Variants in PDS5A observed in about 807,000 individuals in gnomAD.
The protein encoded by PDS5A is PDS5 cohesin associated factor A.
Under a neutral mutation model 167.1 loss-of-function variants are expected in PDS5A, and 42 were observed. The ratio of observed to expected loss-of-function variants is 0.25; its 90% CI spans 0.20 to 0.33. The LOEUF is 0.33. Ranked by LOEUF, PDS5A falls within the 10% of genes least tolerant of loss-of-function variation. The pLI is 1.00. For synonymous variants in PDS5A, 553 were observed against 554.6 expected, an observed-to-expected ratio of 1.00 and a Z score of 0.04; for missense variants, 1,033 against 1,605.9, an observed-to-expected ratio of 0.64 and a Z score of 6.10.
chr4:39,942,097 A>C (rs1338726912), intron 2 of PDS5A, among the ~76,000 whole-genome samples: 1 of 152,188 alleles, frequency 6.6e-6, no homozygotes, highest in African/African-American at 2.4e-5. Flanking sequence ...CCCAACTCAA[A>C]GAGTGATTTC....
In PDS5A at chr4:39,917,163, C is replaced by T; in HGVS notation, c.761G>A (p.Gly254Glu). The change falls in exon 8 of 33, where the codon GGA (glycine) becomes GAA (glutamate). Residue 254 changes from glycine (G) to glutamate (E), a missense_variant. Physicochemically the swap from Gly to Glu is moderately conservative, Grantham distance 98. Coordinates refer to ENST00000303538, the MANE Select transcript of PDS5A (RefSeq NM_001100399.2). Reference sequence around the variant, plus strand: ...TGACAAATCACTTACTGATGATCTTCCCAGCACCAGGACTTGATTGAAAAA... The same window carrying T: ...TGACAAATCACTTACTGATGATCTTTCCAGCACCAGGACTTGATTGAAAAA... ...ANFFNQVLVL[G>E]RSSVSDLSEH... The T allele has an allele frequency of 6.4e-7, 1 of 1,559,794 alleles. No individual in the cohort carries two copies. The highest frequency in any genetic ancestry group is 8.6e-7 in the Non-Finnish European group (1 of 1,159,936).
intron 26 of PDS5A, among the ~76,000 whole-genome samples, chr4:39,850,230 C>A (rs1015975885): frequency 6.6e-6 from 1 of 150,534 alleles, no homozygotes; most frequent in African/African-American, 2.4e-5. Context: ...TGAGACTGCA[C>A]CACTGCACTC....
At chr4:39,838,359 T>C (rs1189118429) in intron 31 of PDS5A, among the ~76,000 whole-genome samples, 151 bp from the exon 32 acceptor site, 1 of 152,212 alleles carries the variant, frequency 6.6e-6, no homozygotes, top group Non-Finnish European at 1.5e-5. Flanking sequence ...GTAAGCTCCT[T>C]GAGGAGAGTG....
At chr4:39,970,815 T>TTTA (rs1553911027) in intron 2 of PDS5A, among the ~76,000 whole-genome samples, 1 of 147,720 alleles carries the variant, frequency 6.8e-6, no homozygotes, top group African/African-American at 2.5e-5. Context: ...TTTTTTTTTT[T>TTTA]AAGACAAGGT....
intron 32 of PDS5A, among the ~76,000 whole-genome samples, chr4:39,828,201 A>G (rs928981231): frequency 6.6e-6 from 1 of 152,214 alleles, no homozygotes; most frequent in Non-Finnish European, 1.5e-5. Flanking sequence ...AGGAATACTT[A>G]CTGAAACCCA....
rs1244591748 is a variant in PDS5A, at chr4:39,825,479, G to A, written c.*6C>T. ...GCCTTCATTTTCTCCCTTTGCAAAT[G>A]CATTTTTACCTTAGGGTTAAGAATA... On this transcript the variant is annotated 3_prime_UTR_variant, in exon 33 of 33. Transcript: ENST00000303538. 2 of 1,580,462 alleles carry A rather than the reference G, an allele frequency of 1.3e-6. No individual in the cohort carries two copies. Among genetic ancestry groups the A allele is most frequent in the Admixed American group, 3.5e-5 (2 of 56,348 alleles).
chr4:39,873,349 A>G (rs1286201585), intron 20 of PDS5A, among the ~76,000 whole-genome samples: 5 of 152,192 alleles, frequency 3.3e-5, no homozygotes, highest in African/African-American at 1.2e-4. Flanking sequence ...AAGAATGTAG[A>G]AAAAAGATAA....
chr4:39,874,930 G>T (rs1720339976), intron 19 of PDS5A, among the ~76,000 whole-genome samples: 1 of 152,118 alleles, frequency 6.6e-6, no homozygotes, highest in South Asian at 2.1e-4. Context: ...TATGTGCCAG[G>T]CACCATTCTA....
chr4:39,852,140 A>T (rs1718170390), intron 26 of PDS5A, among the ~76,000 whole-genome samples: 1 of 152,322 alleles, frequency 6.6e-6, no homozygotes, highest in East Asian at 1.9e-4. Context: ...GCTGAGACTA[A>T]TGTGCTATCT....
chr4:39,834,523 T>G (rs1320932898), intron 32 of PDS5A, among the ~76,000 whole-genome samples: 1 of 152,212 alleles, frequency 6.6e-6, no homozygotes, highest in South Asian at 2.1e-4. Flanking sequence ...CAGTACTGAT[T>G]TGGCTCCTTC....
chr4:39,834,104 C>G (rs1392305796), intron 32 of PDS5A, among the ~76,000 whole-genome samples: 2 of 151,706 alleles, frequency 1.3e-5, no homozygotes, highest in East Asian at 3.9e-4. Flanking sequence ...GTAGTCCCAG[C>G]TACCAGGGAG....
chr4:39,926,183 T>C (rs1175650600), intron 4 of PDS5A, among the ~76,000 whole-genome samples: 2 of 151,896 alleles, frequency 1.3e-5, no homozygotes, highest in African/African-American at 4.8e-5. Flanking sequence ...ATACAAAATT[T>C]AAGAAGCAGT....
At chr4:39,906,367 C>G (rs1472192187) in intron 11 of PDS5A, among the ~76,000 whole-genome samples, 1 of 147,138 alleles carries the variant, frequency 6.8e-6, no homozygotes, top group Non-Finnish European at 1.5e-5. Flanking sequence ...GACCCTGTCT[C>G]AAACAAAAAA....
intron 16 of PDS5A, among the ~76,000 whole-genome samples, chr4:39,892,939 G>A (rs914382513): frequency 6.6e-6 from 1 of 152,170 alleles, no homozygotes; most frequent in Non-Finnish European, 1.5e-5. Flanking sequence ...CCTGCATTAG[G>A]CCACATATAA....
chr4:39,839,762 G>C (rs866014958), intron 31 of PDS5A, among the ~76,000 whole-genome samples: 3 of 146,602 alleles, frequency 2.0e-5, no homozygotes, highest in East Asian at 2.0e-4. Context: ...TCTGGGGGGG[G>C]GGGGCAGGGG....
chr4:39,849,447 A>AAC (rs1553889488), intron 27 of PDS5A, 73 bp downstream of exon 27: 1 of 1,098,710 alleles, frequency 9.1e-7, no homozygotes, highest in Non-Finnish European at 1.3e-6. Flanking sequence ...CCAAAAAAAA[A>AAC]AAAAAAAAAC....
At chr4:39,926,534 AAG>A (rs1491546790) in intron 4 of PDS5A, among the ~76,000 whole-genome samples, 6 of 151,730 alleles carry the variant, frequency 4.0e-5, no homozygotes, top group African/African-American at 1.4e-4. Context: ...AAAAAAAAGA[AAG>A]AAATAGATAC....
At chr4:39,937,260 G>T (rs527479142) in intron 2 of PDS5A, among the ~76,000 whole-genome samples, 1 of 152,222 alleles carries the variant, frequency 6.6e-6, no homozygotes, top group Non-Finnish European at 1.5e-5. Flanking sequence ...GCGTAACAAA[G>T]ACACTCTCAC....
chr4:39,862,774 A>G, intron 25 of PDS5A, 95 bp downstream of exon 25: 2 of 734,442 alleles, frequency 2.7e-6, no homozygotes, highest in Non-Finnish European at 4.5e-6. Flanking sequence ...GTTTTATTAT[A>G]AACTATAATA....
Sources: allele counts gnomAD v4.1 joint callset (sites outside exome capture counted in the v4.1 genomes callset), GRCh38; gene constraint gnomAD v4.1.1; transcripts MANE v1.5; gene names NCBI Gene and HGNC (gene_info 2026-07-23, HGNC 2026-07-21).